Variants in DAB1 observed in about 807,000 individuals in gnomAD.
The protein encoded by DAB1 is DAB adaptor protein 1, also known as disabled homolog 1.
DAB1 carries 15 observed loss-of-function variants against 64.6 expected under a neutral mutation model. That is an observed-to-expected ratio of 0.23 (90% CI 0.16 to 0.36). The LOEUF is 0.36. DAB1 is among the 10% of genes least tolerant of loss of function. The pLI, the probability that DAB1 is intolerant of heterozygous loss-of-function variation, is 1.00. For missense variants in DAB1, 596 were observed against 706.7 expected, an observed-to-expected ratio of 0.84 and a Z score of 1.78; for synonymous variants, 235 against 251.9, an observed-to-expected ratio of 0.93 and a Z score of 0.64.
rs549568771 is a variant in DAB1, at chr1:57,063,044, G to A, written c.664-101C>T. 8.0e-6 allele frequency: 8 copies of A among 994,710 alleles called. No individual in the cohort carries two copies. The South Asian group carries it at 8.6e-5, about 11-fold the overall frequency. 61.6% of individuals were successfully genotyped at this position (994,710 alleles called of 1,614,324 possible). A position where few individuals can be genotyped will look rare whatever the true frequency, so the allele number is the denominator to read the frequency against. ...AACTGCAAGCTGGCTAAGGGTGCCTGAGAATGGCCCCAGGGACAAGCCCAT... is the reference window on the plus strand; with the variant it reads ...AACTGCAAGCTGGCTAAGGGTGCCTAAGAATGGCCCCAGGGACAAGCCCAT... On this transcript the variant is annotated intron_variant, in intron 8 of 14. Transcript: ENST00000371236.
At chr1:57,852,262 C>T (rs1480386965) in intron 1 of DAB1, among the ~76,000 whole-genome samples, 3 of 152,228 alleles carry the variant, frequency 2.0e-5, no homozygotes, top group Non-Finnish European at 2.9e-5. Context: ...AGAACTTGGA[C>T]AAACAGGCCT....
intron 3 of DAB1, among the ~76,000 whole-genome samples, chr1:58,409,142 T>C (rs338907): frequency 0.16 from 23,618 of 152,224 alleles, 2,327 homozygotes; most frequent in Non-Finnish European, 0.22. Context: ...CCACAAAAAC[T>C]CTGTTAAGTA....
chr1:57,227,013 C>CAA (rs58869076), intron 2 of DAB1, among the ~76,000 whole-genome samples: 1 of 137,506 alleles, frequency 7.3e-6, no homozygotes, highest in African/African-American at 2.6e-5. Context: ...CACCATCTCT[C>CAA]AAAAAAAAAA....
At chr1:58,317,492 T>A (rs944206577) in intron 4 of DAB1, among the ~76,000 whole-genome samples, 5 of 152,198 alleles carry the variant, frequency 3.3e-5, no homozygotes, top group Non-Finnish European at 7.3e-5. Flanking sequence ...GACAGAGAGA[T>A]TCAACTGGCT....
At chr1:58,471,603 T>A (rs1645359334) in intron 3 of DAB1, among the ~76,000 whole-genome samples, 1 of 152,114 alleles carries the variant, frequency 6.6e-6, no homozygotes, top group African/African-American at 2.4e-5. Flanking sequence ...TAATCCCCAA[T>A]CCCCTTTTTG....
intron 1 of DAB1, among the ~76,000 whole-genome samples, chr1:57,371,285 T>A (rs1680476835): frequency 6.6e-6 from 1 of 152,200 alleles, no homozygotes; most frequent in South Asian, 2.1e-4. Context: ...ACTCACTGAC[T>A]GTTGAAATCG....
At chr1:58,038,628 C>T (rs1647084659) in intron 5 of DAB1, among the ~76,000 whole-genome samples, 2 of 151,356 alleles carry the variant, frequency 1.3e-5, no homozygotes. Context: ...GAGAGACCTG[C>T]CCTGATGGGG....
chr1:57,727,894 T>A (rs1047710250), intron 6 of DAB1, among the ~76,000 whole-genome samples: 1 of 152,068 alleles, frequency 6.6e-6, no homozygotes, highest in Admixed American at 6.6e-5. Context: ...GAGATGCAGA[T>A]AAATAAGGAC....
chr1:57,821,327 C>T (rs2101895486), downstream of DAB1, among the ~76,000 whole-genome samples: 1 of 152,228 alleles, frequency 6.6e-6, no homozygotes, highest in Non-Finnish European at 1.5e-5. Context: ...AAAAAAAGCA[C>T]CCTTCCCAAA....
chr1:58,308,490 TC>T (rs1557728108), intron 4 of DAB1, among the ~76,000 whole-genome samples: 1 of 152,000 alleles, frequency 6.6e-6, no homozygotes, highest in Non-Finnish European at 1.5e-5. Context: ...TCCTCTTTCC[TC>T]CTTCCACAGT....
chr1:58,462,377 C>T (rs1457034215), intron 3 of DAB1, among the ~76,000 whole-genome samples: 3 of 152,052 alleles, frequency 2.0e-5, no homozygotes, highest in Non-Finnish European at 4.4e-5. Flanking sequence ...CCACCCGCCT[C>T]GGCCTCCCAA....
At chr1:57,357,175 T>A (rs1679177007) in intron 1 of DAB1, among the ~76,000 whole-genome samples, 1 of 151,982 alleles carries the variant, frequency 6.6e-6, no homozygotes, top group African/African-American at 2.4e-5. Flanking sequence ...CATAAACACA[T>A]CAGAATTTCC....
At chr1:57,241,028 G>A (rs569370011) in intron 2 of DAB1, among the ~76,000 whole-genome samples, 3 of 152,186 alleles carry the variant, frequency 2.0e-5, no homozygotes, top group South Asian at 2.1e-4. Context: ...CACTATACAC[G>A]CATCCACCAG....
rs59263518 is a variant in DAB1, at chr1:57,553,442, G to GAAAGCAAGAAAGAAAGAAAGAAAGAA, written n.625+96149_625+96150insTTCTTTCTTTCTTTCTTTCTTGCTTT. Among the ~76,000 whole-genome samples, 2 of 68,154 alleles carry GAAAGCAAGAAAGAAAGAAAGAAAGAA rather than the reference G, an allele frequency of 2.9e-5. 1 individual carries two copies. Among genetic ancestry groups the GAAAGCAAGAAAGAAAGAAAGAAAGAA allele is most frequent in the Non-Finnish European group, 5.6e-5 (2 of 35,794 alleles). The allele number at this position is 68,154 out of a possible 152,430, so 44.7% of individuals were successfully genotyped here. On this transcript the variant is annotated intron_variant and non_coding_transcript_variant, in intron 7 of 20. Coordinates refer to the DAB1 transcript ENST00000485760. ...AGAAAGAAAGAAAGAAAGAAAGAAA[G>GAAAGCAAGAAAGAAAGAAAGAAAGAA]AGAAAGAAAGAAAGAAAGAGAAAGG... is the stretch of plus-strand genomic sequence containing the variant.
At chr1:57,047,444 A>G (rs1648653025) in intron 9 of DAB1, among the ~76,000 whole-genome samples, 1 of 152,136 alleles carries the variant, frequency 6.6e-6, no homozygotes, top group Admixed American at 6.5e-5. Flanking sequence ...TATCCTCATG[A>G]TACAATTAGT....
intron 5 of DAB1, among the ~76,000 whole-genome samples, chr1:58,075,928 TTCTCTC>T (rs78789912): frequency 0.13 from 18,747 of 149,836 alleles, 1,516 homozygotes; most frequent in Non-Finnish European, 0.18. Context: ...TTACAAGTCT[TTCTCTC>T]TCTCTCTCTC....
intron 6 of DAB1, among the ~76,000 whole-genome samples, chr1:57,695,397 AAAG>A (rs1557427961): frequency 6.9e-5 from 6 of 86,594 alleles, no homozygotes; most frequent in African/African-American, 2.6e-4. Flanking sequence ...AGAAAGAAAG[AAAG>A]AAAGAAAGAA....
chr1:58,234,276 C>T (rs910477427), intron 4 of DAB1, among the ~76,000 whole-genome samples: 2 of 152,184 alleles, frequency 1.3e-5, no homozygotes, highest in Non-Finnish European at 2.9e-5. Flanking sequence ...CTGCCAAGGA[C>T]TGGAGCTACA....
At chr1:57,289,839 A>G (rs1182565862) in intron 2 of DAB1, among the ~76,000 whole-genome samples, 1 of 152,224 alleles carries the variant, frequency 6.6e-6, no homozygotes, top group Non-Finnish European at 1.5e-5. Context: ...AGCAGAAACT[A>G]CAGGGAGAAA....
Sources: gnomAD v4.1 joint callset for allele counts (sites outside exome capture counted in the v4.1 genomes callset) on GRCh38, gnomAD v4.1.1 for gene constraint, MANE v1.5 for transcripts, NCBI Gene and HGNC (gene_info 2026-07-23, HGNC 2026-07-21) for gene names.